The following SGCD variants were observed in gnomAD, a reference collection of about 807,000 sequenced individuals.
SGCD encodes the protein delta-sarcoglycan.
A neutral mutation model predicts 36.6 loss-of-function variants in SGCD; 18 were observed. The ratio of observed to expected loss-of-function variants is 0.49; its 90% CI spans 0.34 to 0.73. SGCD has a LOEUF of 0.73. Among genes scored for constraint, SGCD ranks in the 30% least tolerant of loss-of-function variants. The pLI is 0.01. For synonymous variants in SGCD, 133 were observed against 130.6 expected, an observed-to-expected ratio of 1.02 and a Z score of -0.12; for missense variants, 387 against 346.7, an observed-to-expected ratio of 1.12 and a Z score of -0.92.
At chr5:156,005,000 C>G (rs892228040) in intron 1 of SGCD, among the ~76,000 whole-genome samples, 1 of 152,152 alleles carries the variant, frequency 6.6e-6, no homozygotes, top group Admixed American at 6.5e-5. Flanking sequence ...TGGCATTCCA[C>G]AGTGTGGCAA....
intron 4 of SGCD, among the ~76,000 whole-genome samples, chr5:156,511,634 C>T (rs376771223): frequency 1.4e-4 from 21 of 152,304 alleles, no homozygotes; most frequent in African/African-American, 5.1e-4. Context: ...ACCTCCTTCA[C>T]CCAATCAGTC....
intron 1 of SGCD, among the ~76,000 whole-genome samples, chr5:156,072,069 C>G (rs1010563257): frequency 2.0e-5 from 3 of 152,148 alleles, no homozygotes; most frequent in East Asian, 3.9e-4. Context: ...ACTGATGGGT[C>G]TTGACTCTTT....
intron 1 of SGCD, among the ~76,000 whole-genome samples, chr5:156,328,671 G>A (rs2127700862): frequency 6.6e-6 from 1 of 152,150 alleles, no homozygotes; most frequent in African/African-American, 2.4e-5. Context: ...GTTGTACTTG[G>A]AGGAGGGACC....
chr5:156,127,854 CAAAAAAAAAAAAA>C (rs56822746), intron 3 of SGCD, among the ~76,000 whole-genome samples: 1 of 18,440 alleles, frequency 5.4e-5, no homozygotes, highest in Admixed American at 9.1e-4. Context: ...AACATAAATG[CAAAAAAAAAAAAA>C]AAAAAAAAAA....
intron 3 of SGCD, among the ~76,000 whole-genome samples, chr5:156,206,704 A>G (rs1341439553): frequency 6.6e-6 from 1 of 152,094 alleles, no homozygotes; most frequent in Non-Finnish European, 1.5e-5. Context: ...GATCTTGTAT[A>G]CTATAAGTTT....
At chr5:155,915,524 CA>C (rs1554104105) in intron 1 of SGCD, among the ~76,000 whole-genome samples, 7 of 152,096 alleles carry the variant, frequency 4.6e-5, no homozygotes, top group Non-Finnish European at 1.0e-4. Flanking sequence ...TCCATAAAAT[CA>C]AAATTAATCA....
At chr5:156,299,793 T>C (rs1265246120) in intron 3 of SGCD, among the ~76,000 whole-genome samples, 2 of 152,222 alleles carry the variant, frequency 1.3e-5, no homozygotes, top group Non-Finnish European at 2.9e-5. Flanking sequence ...TTGTATATCC[T>C]GTAACTTTAA....
At chr5:156,237,351 G>C (rs911230318) in intron 3 of SGCD, among the ~76,000 whole-genome samples, 1 of 152,082 alleles carries the variant, frequency 6.6e-6, no homozygotes, top group African/African-American at 2.4e-5. Flanking sequence ...ATGGCCGGGT[G>C]TGGTGCCTCA....
chr5:156,208,466 A>T (rs1764348732), intron 3 of SGCD, among the ~76,000 whole-genome samples: 1 of 152,240 alleles, frequency 6.6e-6, no homozygotes, highest in African/African-American at 2.4e-5. Flanking sequence ...AATTAGAAGC[A>T]CTTATGATTC....
chr5:156,122,843 TAAAAAA>T (rs33983852), intron 2 of SGCD, among the ~76,000 whole-genome samples: 91 of 54,064 alleles, frequency 1.7e-3, no homozygotes, highest in East Asian at 7.1e-3. Flanking sequence ...AAAGATGTGG[TAAAAAA>T]AAAAAAAAAA....
At chr5:156,361,605 TA>T (rs1769797217) in intron 3 of SGCD, among the ~76,000 whole-genome samples, 1 of 152,204 alleles carries the variant, frequency 6.6e-6, no homozygotes, top group African/African-American at 2.4e-5. Flanking sequence ...TTTCAGTTGC[TA>T]AAATTCAGCA....
intron 4 of SGCD, among the ~76,000 whole-genome samples, chr5:156,550,235 G>A (rs901894408): frequency 5.3e-5 from 8 of 152,232 alleles, no homozygotes; most frequent in African/African-American, 1.9e-4. Flanking sequence ...TTTCTTATAT[G>A]AGTAAATGGT....
rs935684380 is a variant in SGCD at position 156,728,257 on chromosome 5, G to C, written c.576-29324G>C. Among the ~76,000 whole-genome samples, 4 of 152,010 alleles carry C rather than the reference G, an allele frequency of 2.6e-5. No homozygotes were observed. The South Asian group carries it at 8.3e-4, about 32-fold the overall frequency. The stretch of plus-strand genomic sequence containing the variant: ...CAGAAACTGGAATTCTCATAGTAAT[G>C]GTACCTTCTTCCTCTCTCTCCTCCC... On this transcript the variant is annotated intron_variant, in intron 7 of 8. Coordinates refer to ENST00000337851, the MANE Select transcript of SGCD (RefSeq NM_000337.6).
At chr5:156,212,337 G>A (rs895309280) in intron 3 of SGCD, among the ~76,000 whole-genome samples, 1 of 152,148 alleles carries the variant, frequency 6.6e-6, no homozygotes, top group Admixed American at 6.5e-5. Context: ...AACCAAAAGA[G>A]AGCAAGGGTA....
intron 1 of SGCD, among the ~76,000 whole-genome samples, chr5:156,041,462 G>C (rs1033133049): frequency 1.3e-5 from 2 of 152,308 alleles, no homozygotes; most frequent in South Asian, 2.1e-4. Context: ...AGAAATATCA[G>C]AAGAGAGATG....
chr5:156,757,818 A>G, intron 8 of SGCD, 114 bp downstream of exon 8: 3 of 1,378,068 alleles, frequency 2.2e-6, no homozygotes, highest in Non-Finnish European at 2.8e-6. Flanking sequence ...AAAGGAGCCA[A>G]GCAGGTTTTA....
At chr5:156,422,830 G>A (rs1580967928) in intron 3 of SGCD, among the ~76,000 whole-genome samples, 1 of 151,864 alleles carries the variant, frequency 6.6e-6, no homozygotes. Flanking sequence ...TCCCTTGTTG[G>A]GCAGTTGTTC....
intron 7 of SGCD, among the ~76,000 whole-genome samples, chr5:156,751,616 AAT>A (rs1328602461): frequency 2.6e-5 from 4 of 152,218 alleles, no homozygotes; most frequent in Admixed American, 2.0e-4. Flanking sequence ...AAAAATAAAA[AAT>A]AGACAAAAAT....
intron 3 of SGCD, among the ~76,000 whole-genome samples, chr5:156,315,433 A>C (rs1292913036): frequency 6.6e-6 from 1 of 151,888 alleles, no homozygotes; most frequent in Non-Finnish European, 1.5e-5. Context: ...TGTGTGTATC[A>C]ATCACATTTT....
Sources: allele counts gnomAD v4.1 joint callset (sites outside exome capture counted in the v4.1 genomes callset), GRCh38; gene constraint gnomAD v4.1.1; transcripts MANE v1.5; gene names NCBI Gene and HGNC (gene_info 2026-07-23, HGNC 2026-07-21).